Variants in ASCC3 observed in about 807,000 individuals in gnomAD.
ASCC3 encodes the protein activating signal cointegrator 1 complex subunit 3, also known as ASC-1 complex subunit P200.
ASCC3 carries 158 observed loss-of-function variants against 256.3 expected under a neutral mutation model. That is an observed-to-expected ratio of 0.62 (90% confidence interval 0.54 to 0.70). The LOEUF is 0.70. Ranked by LOEUF, ASCC3 falls within the 30% of genes least tolerant of loss-of-function variation. The pLI, the probability that ASCC3 is intolerant of heterozygous loss-of-function variation, is 0.00. For missense variants in ASCC3, 2,259 were observed against 2,626.0 expected (o/e 0.86, Z 3.05); for synonymous variants, 948 against 883.4 (o/e 1.07, Z -1.30).
chr6:100,783,919 A>G (rs1159584246), intron 8 of ASCC3, among the ~76,000 whole-genome samples: 1 of 152,168 alleles, frequency 6.6e-6, no homozygotes, highest in Non-Finnish European at 1.5e-5. Context: ...AAGAAAATTT[A>G]TGCGGTAGGT....
At chr6:100,727,455 A>C (rs1202084349) in intron 10 of ASCC3, among the ~76,000 whole-genome samples, 1 of 151,982 alleles carries the variant, frequency 6.6e-6, no homozygotes, top group Middle Eastern at 3.2e-3. Context: ...TGTGCATTTT[A>C]CATTTGGTTC....
chr6:100,779,705 T>C (rs888685165), intron 8 of ASCC3, among the ~76,000 whole-genome samples: 1 of 152,158 alleles, frequency 6.6e-6, no homozygotes, highest in Admixed American at 6.6e-5. Flanking sequence ...TTAGAGACCT[T>C]GGGACAGGTA....
intron 30 of ASCC3, among the ~76,000 whole-genome samples, chr6:100,621,516 T>C (rs1773950423): frequency 6.6e-6 from 1 of 152,066 alleles, no homozygotes; most frequent in South Asian, 2.1e-4. Context: ...ATTAGAGAAA[T>C]GCAAAGCAAA....
chr6:100,719,394 C>A (rs1779220064), intron 11 of ASCC3, among the ~76,000 whole-genome samples: 1 of 151,908 alleles, frequency 6.6e-6, no homozygotes, highest in Non-Finnish European at 1.5e-5. Context: ...TCCCACAGTT[C>A]TATGTAGTAC....
chr6:100,662,122 A>G (rs1361250993), intron 15 of ASCC3, 92 bp from the exon 16 acceptor site: 1 of 1,300,944 alleles, frequency 7.7e-7, no homozygotes, highest in Non-Finnish European at 1.1e-6. Flanking sequence ...ATATGGCAAG[A>G]TCTCAAAAGT....
At chr6:100,739,597 A>G (rs1181258776) in intron 10 of ASCC3, among the ~76,000 whole-genome samples, 1 of 152,158 alleles carries the variant, frequency 6.6e-6, no homozygotes, top group Non-Finnish European at 1.5e-5. Context: ...GCTATGTATT[A>G]CCACCTCTAT....
In ASCC3 at chr6:100,509,492, C is replaced by T; in HGVS notation, c.6503G>A (p.Gly2168Asp). The T allele has an allele frequency of 6.2e-7, 1 of 1,613,832 alleles. No individual in the cohort carries two copies. Among genetic ancestry groups the T allele is most frequent in the Non-Finnish European group, 8.5e-7 (1 of 1,179,804 alleles). The change falls in exon 42 of 42, where the codon GGC becomes GAC. Residue 2168 changes from glycine to aspartate, a missense_variant. This residue lies in a region of ASCC3 where 1,839 missense variants were observed against 2,206.7 expected (regional missense o/e 0.83). Coordinates refer to ENST00000369162, the MANE Select transcript of ASCC3 (RefSeq NM_006828.4). The stretch of plus-strand genomic sequence containing the variant: ...ATAGATGTCATACTGCTGGTCCAGG[C>T]CAAGGTAGCAGTCACTCATGAAATA... ...TLYFMSDCYL[G>D]LDQQYDIYLN...
intron 1 of ASCC3, among the ~76,000 whole-genome samples, chr6:100,873,712 G>A (rs1441688541): frequency 3.9e-5 from 6 of 152,158 alleles, no homozygotes; most frequent in Non-Finnish European, 5.9e-5. Flanking sequence ...GAAGGGATTG[G>A]AGCCCTATCT....
intron 4 of ASCC3, among the ~76,000 whole-genome samples, chr6:100,812,072 AAAC>A (rs1055111991): frequency 2.0e-5 from 3 of 152,320 alleles, no homozygotes; most frequent in African/African-American, 7.2e-5. Flanking sequence ...TCTCCGTAAC[AAAC>A]AACATCAGAA....
At chr6:100,735,943 C>T (rs7759463) in intron 10 of ASCC3, among the ~76,000 whole-genome samples, 51,346 of 151,962 alleles carry the variant, frequency 0.34, 10,213 homozygotes, top group Middle Eastern at 0.51. Context: ...GTGGCATCTC[C>T]ATACCCACAT....
chr6:100,688,408 C>T (rs1164792718), intron 13 of ASCC3, among the ~76,000 whole-genome samples: 2 of 152,030 alleles, frequency 1.3e-5, no homozygotes, highest in African/African-American at 4.8e-5. Flanking sequence ...AAGATTTAAA[C>T]ATTTTAAAAT....
intron 10 of ASCC3, among the ~76,000 whole-genome samples, chr6:100,755,555 C>A (rs886717464): frequency 4.6e-5 from 7 of 152,058 alleles, no homozygotes; most frequent in Admixed American, 3.3e-4. Flanking sequence ...AATTAGGAAT[C>A]ACTCTTAAAG....
chr6:100,626,552 T>C (rs547798122), intron 29 of ASCC3, among the ~76,000 whole-genome samples: 45 of 152,246 alleles, frequency 3.0e-4, no homozygotes, highest in African/African-American at 1.0e-3. Flanking sequence ...TATTGATTTA[T>C]ATAAGACAAA....
At chr6:100,737,248 CA>C (rs1489271482) in intron 10 of ASCC3, among the ~76,000 whole-genome samples, 27 of 148,888 alleles carry the variant, frequency 1.8e-4, no homozygotes, top group African/African-American at 6.0e-4. Context: ...TTTTTAAGTA[CA>C]GGGGTACATG....
chr6:100,720,002 T>C (rs936562253), intron 11 of ASCC3, among the ~76,000 whole-genome samples: 1 of 151,940 alleles, frequency 6.6e-6, no homozygotes, highest in African/African-American at 2.4e-5. Flanking sequence ...CTGAACAAAA[T>C]CTACATTGCC....
intron 11 of ASCC3, 77 bp downstream of exon 11, chr6:100,725,462 A>C (rs1779576044): frequency 7.0e-7 from 1 of 1,425,800 alleles, no homozygotes; most frequent in Non-Finnish European, 9.9e-7. Context: ...ACACAGGTCT[A>C]CAGTGAAAAT....
rs188155164 is a variant in ASCC3 at position 100,749,599 on chromosome 6, T to G, written c.1737+16966A>C. On this transcript the variant is annotated intron_variant, in intron 10 of 41. Coordinates refer to ENST00000369162, the MANE Select transcript of ASCC3 (RefSeq NM_006828.4). ...GCAACAACATACCTTGAAAATGACC[T>G]TTAGGATTCAAAATGGTTTAAAATA... is the stretch of plus-strand genomic sequence containing the variant. 2.5e-3 allele frequency among the ~76,000 whole-genome samples: 376 copies of G among 152,064 alleles called. 1 individual carries two copies. Among genetic ancestry groups the G allele is most frequent in the African/African-American group, 8.3e-3 (343 of 41,546 alleles).
intron 13 of ASCC3, among the ~76,000 whole-genome samples, chr6:100,704,023 T>C (rs1175004421): frequency 6.7e-6 from 1 of 149,994 alleles, no homozygotes; most frequent in African/African-American, 2.4e-5. Context: ...AAAAGTAAAA[T>C]AGAAAACTCA....
rs1294877478 is a variant in ASCC3 at position 100,665,125 on chromosome 6, G to A, written c.2287-2589C>T. ...TCTTATAAAGTAGCAGGTGGATCTT[G>A]GAGTACTGACATAGTACCTCCCACT... On this transcript the variant is annotated intron_variant, in intron 14 of 41. Coordinates refer to ENST00000369162, the MANE Select transcript of ASCC3 (RefSeq NM_006828.4). 5.3e-5 allele frequency among the ~76,000 whole-genome samples: 8 copies of A among 151,908 alleles called. No individual in the cohort carries two copies. The East Asian group carries it at 1.4e-3, about 26-fold the overall frequency.
Sources: allele counts gnomAD v4.1 joint callset (sites outside exome capture counted in the v4.1 genomes callset), GRCh38; gene constraint gnomAD v4.1.1; regional missense constraint gnomAD v4.1.1; transcripts MANE v1.5; gene names NCBI Gene and HGNC (gene_info 2026-07-23, HGNC 2026-07-21).